ISX: variants seen among roughly 807,000 people sequenced by gnomAD.
The protein encoded by ISX is intestine specific homeobox, also known as intestine-specific homeobox.
Under a neutral mutation model 16.9 loss-of-function variants are expected in ISX, and 15 were observed. The observed-to-expected ratio is 0.89, with a 90% CI of 0.59 to 1.36. The LOEUF (loss-of-function observed/expected upper bound fraction) is 1.36. Ranked by LOEUF, ISX falls within the 40% of genes most tolerant of loss-of-function variation. ISX has a pLI of 0.00. For missense variants in ISX, 316 were observed against 306.1 expected, an observed-to-expected ratio of 1.03 and a Z score of -0.24; for synonymous variants, 125 against 119.7, an observed-to-expected ratio of 1.04 and a Z score of -0.29.
intron 2 of ISX, among the ~76,000 whole-genome samples, chr22:35,074,350 C>T (rs568045022): frequency 3.9e-5 from 6 of 152,166 alleles, no homozygotes; most frequent in Non-Finnish European, 8.8e-5. Flanking sequence ...TGTCTGGAGT[C>T]TTCATCTTGC....
At chr22:35,079,457 C>G (rs180769252) in intron 2 of ISX, among the ~76,000 whole-genome samples, 4 of 152,136 alleles carry the variant, frequency 2.6e-5, no homozygotes, top group Non-Finnish European at 5.9e-5. Context: ...TAAGCTCTCT[C>G]GGGGAGCCAG....
In ISX at chr22:35,067,065, CAG is replaced by C. The variant is rs757504378; in HGVS notation, c.-20_-19del. 45 of 1,592,906 alleles carry C rather than the reference CAG, an allele frequency of 2.8e-5. No individual in the cohort carries two copies. In the Admixed American group the frequency reaches 2.8e-4, roughly 10 times the overall value. On this transcript the variant is annotated 5_prime_UTR_variant, in exon 2 of 5. An upstream open reading frame in the 5' UTR gains an earlier in-frame stop. Transcript: ENST00000404699. ...CCACTGGCACCCTCCTTGGCCTACACAGAGTCACCCCTGAGCCCCTCAATGTG... is the reference window on the plus strand; with the variant it reads ...CCACTGGCACCCTCCTTGGCCTACACAGTCACCCCTGAGCCCCTCAATGTG...
chr22:35,084,598 A>G (rs565069237), intron 4 of ISX, 99 bp downstream of exon 4: 2 of 725,524 alleles, frequency 2.8e-6, no homozygotes, highest in East Asian at 2.8e-5. Context: ...GGCTCTGTCT[A>G]CAGGAAAAAG....
At chr22:35,082,783 A>G (rs1929154010) in intron 3 of ISX, 114 bp downstream of exon 3, 2 of 1,052,072 alleles carry the variant, frequency 1.9e-6, no homozygotes, top group Admixed American at 4.6e-5. Context: ...TGTTGGCTTT[A>G]TCCTGTGAGT....
rs576707879 is a variant in ISX, at chr22:35,085,100, C to A, written c.499-354C>A. ...CCTAGAGTTAAAGGTTTTTACATACCCACAGTGATGCCATGAGATGAGATT... is the reference window on the plus strand; with the variant it reads ...CCTAGAGTTAAAGGTTTTTACATACACACAGTGATGCCATGAGATGAGATT... On this transcript the variant is annotated intron_variant, in intron 4 of 4. Coordinates refer to ENST00000404699, the MANE Select transcript of ISX (RefSeq NM_001303508.2). Among the ~76,000 whole-genome samples, 4 of 152,182 alleles carry A rather than the reference C, an allele frequency of 2.6e-5. No individual in the cohort carries two copies. The South Asian group carries it at 8.3e-4, about 32-fold the overall frequency.
chr22:35,079,022 C>T (rs1213461247), intron 2 of ISX, among the ~76,000 whole-genome samples: 2 of 152,184 alleles, frequency 1.3e-5, no homozygotes, highest in African/African-American at 4.8e-5. Context: ...ATAGTGGAAC[C>T]AGGAACACAG....
rs771088674 is a variant in ISX, at chr22:35,067,109, G to A, written c.22G>A (p.Ala8Thr). 10 of 1,613,894 alleles carry A rather than the reference G, an allele frequency of 6.2e-6. No homozygotes were observed. In the East Asian group the frequency reaches 2.0e-4, roughly 32 times the overall value. Residue 8 changes from alanine to threonine, a missense_variant, in exon 2 of 5, where the codon GCT (alanine) becomes ACT (threonine). Ala to Thr is a moderately conservative substitution (Grantham distance 58). Coordinates refer to ENST00000404699, the MANE Select transcript of ISX (RefSeq NM_001303508.2). ...CTCAATGTGTGCTGAGGTGGGCCCT[G>A]CTCTCTGCAGGGGTATGGAGAGAAA... Reference protein sequence around the residue: MCAEVGPALCRGMERNSL... With the variant: MCAEVGPTLCRGMERNSL...
chr22:35,070,932 T>G (rs1928835601), intron 2 of ISX, among the ~76,000 whole-genome samples: 1 of 152,216 alleles, frequency 6.6e-6, no homozygotes, highest in South Asian at 2.1e-4. Context: ...CAGCTGAAAC[T>G]CATCTGTAGA....
intron 2 of ISX, among the ~76,000 whole-genome samples, chr22:35,067,709 C>T (rs2146286125): frequency 6.6e-6 from 1 of 152,262 alleles, no homozygotes; most frequent in South Asian, 2.1e-4. Flanking sequence ...GATAATGTCC[C>T]CAAGTTACAC....
At chr22:35,084,146 G>A (rs1469109231) in intron 3 of ISX, among the ~76,000 whole-genome samples, 1 of 152,238 alleles carries the variant, frequency 6.6e-6, no homozygotes, top group Non-Finnish European at 1.5e-5. Flanking sequence ...TCCCAATTGG[G>A]CAGCACCAGC....
chr22:35,067,316 G>A lies in ISX; in HGVS notation c.229G>A (p.Glu77Lys). ...AAAGCCTCCAAAGGACCAGCCCCAG[G>A]GTAAGTGTCTTCTGATCATTTCTTT... is the stretch of plus-strand genomic sequence containing the variant. ...LEKPPKDQPQ[E>K]GRKSKRRVRT... The change falls in exon 2 of 5, where the codon GAA becomes AAA. Residue 77 changes from glutamate (E) to lysine (K), a missense_variant and splice_region_variant. Physicochemically the swap from Glu to Lys is moderately conservative, Grantham distance 56. Coordinates refer to ENST00000404699, the MANE Select transcript of ISX (RefSeq NM_001303508.2). The A allele has an allele frequency of 2.6e-6, 4 of 1,555,990 alleles. No individual in the cohort carries two copies. Among genetic ancestry groups the A allele is most frequent in the Non-Finnish European group, 3.5e-6 (4 of 1,147,586 alleles).
intron 2 of ISX, among the ~76,000 whole-genome samples, chr22:35,070,222 T>G (rs1344641735): frequency 1.3e-5 from 2 of 152,170 alleles, no homozygotes; most frequent in Non-Finnish European, 2.9e-5. Context: ...ACCTTCATGA[T>G]CTATAGGTTG....
intron 2 of ISX, among the ~76,000 whole-genome samples, chr22:35,079,270 G>A (rs1186209220): frequency 2.6e-5 from 4 of 152,140 alleles, no homozygotes; most frequent in African/African-American, 9.7e-5. Flanking sequence ...CTCAGCTGGA[G>A]CTCAGACTCC....
At chr22:35,084,217 C>G (rs924223678) in intron 3 of ISX, among the ~76,000 whole-genome samples, 166 bp from the exon 4 acceptor site, 4 of 152,274 alleles carry the variant, frequency 2.6e-5, no homozygotes, top group Admixed American at 1.3e-4. Context: ...CCCCGGTTCC[C>G]TCTCAGAAAG....
chr22:35,085,921 GA>G lies in ISX; in HGVS notation c.*230del. ...TGGCTAAAGCTGCTCTCCTGGTTCA[GA>G]AGACAGGCTGGATGAGATCTCAGGC... On this transcript the variant is annotated 3_prime_UTR_variant, in exon 5 of 5. Coordinates refer to ENST00000404699, the MANE Select transcript of ISX (RefSeq NM_001303508.2). 1 of 581,386 alleles carries G rather than the reference GA, an allele frequency of 1.7e-6. No homozygotes were observed. Among genetic ancestry groups the G allele is most frequent in the Admixed American group, 3.0e-5 (1 of 33,100 alleles). The allele number at this position is 581,386 out of a possible 1,614,324, so 36.0% of individuals were successfully genotyped here.
chr22:35,079,283 C>A (rs2146292963), intron 2 of ISX, among the ~76,000 whole-genome samples: 1 of 152,284 alleles, frequency 6.6e-6, no homozygotes, highest in East Asian at 1.9e-4. Flanking sequence ...CAGACTCCCA[C>A]CCCTCCTTTG....
intron 2 of ISX, among the ~76,000 whole-genome samples, chr22:35,073,731 G>A (rs1035995999): frequency 2.6e-5 from 4 of 152,214 alleles, no homozygotes; most frequent in African/African-American, 9.7e-5. Context: ...GAGCCCCATG[G>A]ACAAGGGCCT....
chr22:35,082,385 C>T (rs528224550), intron 2 of ISX, 133 bp from the exon 3 acceptor site: 1 of 817,844 alleles, frequency 1.2e-6, no homozygotes, highest in African/African-American at 1.7e-5. Flanking sequence ...CTGTGAAGCT[C>T]CAAGCTCAAG....
Position 35,067,252 on chromosome 22 carries a change from G to A in ISX, c.165G>A (p.Glu55=), listed in dbSNP as rs1266459020. 2 of 1,605,806 alleles carry A rather than the reference G, an allele frequency of 1.2e-6. No homozygotes were observed. Among genetic ancestry groups the A allele is most frequent in the East Asian group, 2.2e-5 (1 of 44,500 alleles). The change falls in exon 2 of 5, where the codon GAG becomes GAA. Residue 55 remains glutamate (E), a synonymous_variant. Coordinates refer to ENST00000404699, the MANE Select transcript of ISX (RefSeq NM_001303508.2). ...DMDRPEGPGE[E]GPGEAAASGS... ...ACAGACCAGAAGGGCCAGGTGAAGAGGGCCCCGGAGAAGCTGCGGCCTCAG... is the reference window on the plus strand; with the variant it reads ...ACAGACCAGAAGGGCCAGGTGAAGAAGGCCCCGGAGAAGCTGCGGCCTCAG...
Sources: allele counts gnomAD v4.1 joint callset (sites outside exome capture counted in the v4.1 genomes callset), GRCh38; gene constraint gnomAD v4.1.1; transcripts MANE v1.5; gene names NCBI Gene and HGNC (gene_info 2026-07-23, HGNC 2026-07-21).